The following NPC1 variants were observed in gnomAD, a reference collection of about 807,000 sequenced individuals.
The protein encoded by NPC1 is NPC intracellular cholesterol transporter 1, also known as Niemann-Pick C1 protein.
Under a neutral mutation model 140.4 loss-of-function variants are expected in NPC1, and 85 were observed. That is an observed-to-expected ratio of 0.61 (90% CI 0.51 to 0.72). The LOEUF is 0.72. Ranked by LOEUF, NPC1 falls within the 30% of genes least tolerant of loss-of-function variation. NPC1 has a pLI of 0.00. For synonymous variants in NPC1, 656 were observed against 624.8 expected, an observed-to-expected ratio of 1.05 and a Z score of -0.74; for missense variants, 1,504 against 1,623.8, an observed-to-expected ratio of 0.93 and a Z score of 1.27.
In NPC1 at chr18:23,539,937, T is replaced by C; in HGVS notation, c.2669A>G (p.Tyr890Cys). 6.2e-7 allele frequency: 1 copy of C among 1,614,136 alleles called. No homozygotes were observed. The highest frequency in any genetic ancestry group is 8.5e-7 in the Non-Finnish European group (1 of 1,180,024). Reference sequence around the variant, plus strand: ...GTCGTGCCCTTCCTCCAGGACAAAGTACACAGGCGGACCCGCATGCAGGTA... The same window carrying C: ...GTCGTGCCCTTCCTCCAGGACAAAGCACACAGGCGGACCCGCATGCAGGTA... The part of the protein sequence containing the change: ...SQYLHAGPPV[Y>C]FVLEEGHDYT... The change falls in exon 18 of 25, where the codon TAC becomes TGC. Residue 890 changes from tyrosine to cysteine, a missense_variant. Transcript: ENST00000269228.
chr18:23,564,739 G>A (rs1447069049), intron 4 of NPC1, among the ~76,000 whole-genome samples: 4 of 152,146 alleles, frequency 2.6e-5, no homozygotes, highest in Admixed American at 2.6e-4. Flanking sequence ...TAAGAATCAA[G>A]TGCCAAATAT....
At chr18:23,545,700 T>TC (rs1465759340) in intron 11 of NPC1, among the ~76,000 whole-genome samples, 1 of 152,202 alleles carries the variant, frequency 6.6e-6, no homozygotes, top group East Asian at 1.9e-4. Context: ...TAAGGGATCC[T>TC]CCTGCCTTAG....
intron 20 of NPC1, among the ~76,000 whole-genome samples, chr18:23,537,747 G>A (rs1226511838): frequency 2.0e-5 from 3 of 152,200 alleles, no homozygotes; most frequent in Admixed American, 6.5e-5. Flanking sequence ...CTTATTTTAC[G>A]TAGGCCAAAG....
At chr18:23,529,704 G>A, downstream of NPC1, 1 of 1,613,416 alleles carries the variant, frequency 6.2e-7, no homozygotes, top group Non-Finnish European at 8.5e-7. Context: ...GTTTCAGATT[G>A]CAGTACAGGT....
At chr18:23,530,910 A>G (rs781229623), downstream of NPC1, among the ~76,000 whole-genome samples, 4 of 152,158 alleles carry the variant, frequency 2.6e-5, no homozygotes, top group Non-Finnish European at 4.4e-5. Flanking sequence ...TAAAGCCAGG[A>G]ATAAGACGGC....
intron 19 of NPC1, among the ~76,000 whole-genome samples, chr18:23,539,130 C>T (rs147839035): frequency 1.3e-5 from 2 of 152,266 alleles, no homozygotes; most frequent in East Asian, 1.9e-4. Flanking sequence ...AACCACACTC[C>T]GAACATGTGG....
chr18:23,515,010 T>C (rs2057962380), intron 3 of NPC1, among the ~76,000 whole-genome samples: 1 of 152,104 alleles, frequency 6.6e-6, no homozygotes, highest in South Asian at 2.1e-4. Context: ...TGAACACATC[T>C]GCTAGAAGAA....
intron 3 of NPC1, among the ~76,000 whole-genome samples, chr18:23,510,641 C>T (rs1049839224): frequency 2.7e-5 from 4 of 150,596 alleles, no homozygotes; most frequent in Non-Finnish European, 4.4e-5. Flanking sequence ...AGCGAGACTC[C>T]GTCTCAAAAA....
chr18:23,554,021 G>T lies in NPC1; in HGVS notation c.1553+737C>A, dbSNP rs2058912876. On this transcript the variant is annotated intron_variant, in intron 9 of 24. Coordinates refer to ENST00000269228, the MANE Select transcript of NPC1 (RefSeq NM_000271.5). ...AAATCTTGTGGGGGGTGTGATACATGACACTGTGTTAGCGACCCAGGCACG... is the reference window on the plus strand; with the variant it reads ...AAATCTTGTGGGGGGTGTGATACATTACACTGTGTTAGCGACCCAGGCACG... Among the ~76,000 whole-genome samples, 7 of 152,304 alleles carry T rather than the reference G, an allele frequency of 4.6e-5. No homozygotes were observed. In the South Asian group the frequency reaches 1.5e-3, roughly 32 times the overall value.
chr18:23,554,415 G>C (rs2058919194), intron 9 of NPC1, among the ~76,000 whole-genome samples: 1 of 152,144 alleles, frequency 6.6e-6, no homozygotes, highest in Admixed American at 6.5e-5. Context: ...AGACCAGCCT[G>C]GCCAACATGG....
chr18:23,584,634 G>A (rs1463440675), intron 1 of NPC1, among the ~76,000 whole-genome samples: 1 of 152,116 alleles, frequency 6.6e-6, no homozygotes, highest in African/African-American at 2.4e-5. Flanking sequence ...AGAGGAGGGC[G>A]GATCGCTAGA....
At position 23,560,332 on chromosome 18, in the gene NPC1, C is replaced by A; in HGVS notation, c.780G>T (p.Trp260Cys). Reference sequence around the variant, plus strand: ...ACATGGCGTCCAAGCCAAGGATCGTCCAGGGAGCAGGAGGAGGTGGGGGCT... The same window carrying A: ...ACATGGCGTCCAAGCCAAGGATCGTACAGGGAGCAGGAGGAGGTGGGGGCT... ...KPQPPPPPAP[W>C]TILGLDAMYV... The change falls in exon 6 of 25, where the codon TGG becomes TGT. Residue 260 changes from tryptophan (W) to cysteine (C), a missense_variant. Trp to Cys is a radical substitution (Grantham distance 215). Transcript: ENST00000269228. The A allele has an allele frequency of 6.2e-7, 1 of 1,614,220 alleles. No individual in the cohort carries two copies. The highest frequency in any genetic ancestry group is 1.1e-5 in the South Asian group (1 of 91,086).
downstream of NPC1, among the ~76,000 whole-genome samples, chr18:23,519,580 G>C (rs940507066): frequency 3.3e-5 from 5 of 152,148 alleles, no homozygotes; most frequent in African/African-American, 1.2e-4. Flanking sequence ...TTTATGCTAA[G>C]AGTTTTGGTC....
At chr18:23,522,833 TGGCGG>T (rs1442514573) in exon 2 of NPC1, 4 of 152,374 alleles carry the variant, frequency 2.6e-5, no homozygotes, top group African/African-American at 4.8e-5. Flanking sequence ...CTGTGAGCCC[TGGCGG>T]CTTGATGCAT....
rs1555634618 is a variant in NPC1, at chr18:23,544,952, C to CCCG, written c.1947+7_1947+8insCGG. The CCCG allele has an allele frequency of 4.0e-4, 577 of 1,428,746 alleles. 4 individuals are homozygous for CCCG. The highest frequency in any genetic ancestry group is 3.3e-3 in the Admixed American group (185 of 55,246). The allele number at this position is 1,428,746 out of a possible 1,614,324, so 88.5% of individuals were successfully genotyped here. ...CTCTAGAACATACACCACCCCCCCC[C>CCCG]GGCTTACCAGAAGCCTGCGACAGCT... On this transcript the variant is annotated splice_region_variant and intron_variant, in intron 12 of 24. Transcript: ENST00000269228.
At position 23,540,547 on chromosome 18, in the gene NPC1, C is replaced by T. The variant is rs1410751528; in HGVS notation, c.2515-10G>A. 1 of 1,582,862 alleles carries T rather than the reference C, an allele frequency of 6.3e-7. No individual in the cohort carries two copies. The highest frequency in any genetic ancestry group is 8.7e-7 in the Non-Finnish European group (1 of 1,151,756). The stretch of plus-strand genomic sequence containing the variant: ...CCACAAATATTGCTATCTGGAACAA[C>T]AAATGAATCATAAGACAGAGACTGC... On this transcript the variant is annotated splice_polypyrimidine_tract_variant and intron_variant, in intron 16 of 24. Coordinates refer to ENST00000269228, the MANE Select transcript of NPC1 (RefSeq NM_000271.5).
intron 21 of NPC1, 57 bp downstream of exon 21, chr18:23,536,616 C>T: frequency 1.3e-6 from 2 of 1,495,664 alleles, no homozygotes; most frequent in Non-Finnish European, 1.8e-6. Context: ...CCTCCCCACT[C>T]CCACCCAGTG....
chr18:23,561,520 G>A lies in NPC1; in HGVS notation c.471C>T (p.Tyr157=), dbSNP rs145101354. 4.7e-5 allele frequency: 76 copies of A among 1,614,056 alleles called. No individual in the cohort carries two copies. In the African/African-American group the frequency reaches 6.9e-4, roughly 15 times the overall value. The change falls in exon 5 of 25, where the codon TAC becomes TAT. Residue 157 remains tyrosine (Y), a synonymous_variant. Transcript: ENST00000269228. The stretch of plus-strand genomic sequence containing the variant: ...GGGCCTCCACATCCCGGCAGGCATT[G>A]TACATTGCTAGAAGAGGAAACCCAA... ...YVGQSFANAM[Y]NACRDVEAPS...
intron 3 of NPC1, among the ~76,000 whole-genome samples, chr18:23,570,253 G>A (rs1290070935): frequency 6.6e-6 from 1 of 152,146 alleles, no homozygotes; most frequent in East Asian, 1.9e-4. Context: ...CCAAATATCA[G>A]GTTGTTTCTC....
Sources: gnomAD v4.1 joint callset for allele counts (sites outside exome capture counted in the v4.1 genomes callset) on GRCh38, gnomAD v4.1.1 for gene constraint, MANE v1.5 for transcripts, NCBI Gene and HGNC (gene_info 2026-07-23, HGNC 2026-07-21) for gene names.